The following NRXN3 variants were observed in gnomAD, a reference collection of about 807,000 sequenced individuals.
NRXN3 encodes neurexin III.
A neutral mutation model predicts 137.6 loss-of-function variants in NRXN3; 32 were observed. The ratio of observed to expected loss-of-function variants is 0.23; its 90% CI spans 0.18 to 0.31. The LOEUF (loss-of-function observed/expected upper bound fraction) is 0.31, where lower values mean the gene tolerates loss of function less well. Ranked by LOEUF, NRXN3 falls within the 10% of genes least tolerant of loss-of-function variation. NRXN3 has a pLI of 1.00. For synonymous variants in NRXN3, 798 were observed against 784.5 expected, an observed-to-expected ratio of 1.02 and a Z score of -0.29; for missense variants, 1,574 against 2,062.5, an observed-to-expected ratio of 0.76 and a Z score of 4.59.
chr14:78,272,357 C>T (rs962638185), intron 2 of NRXN3, among the ~76,000 whole-genome samples: 1 of 152,148 alleles, frequency 6.6e-6, no homozygotes, highest in Non-Finnish European at 1.5e-5. Flanking sequence ...AGAATGGACC[C>T]TGGGAAGAGG....
chr14:78,535,026 C>A (rs1343532225), intron 4 of NRXN3, among the ~76,000 whole-genome samples: 20 of 151,346 alleles, frequency 1.3e-4, no homozygotes, highest in Non-Finnish European at 1.5e-5. Context: ...AAGTAAAGAC[C>A]ATCTAATTAT....
chr14:79,651,384 G>A (rs2098475034), intron 16 of NRXN3, among the ~76,000 whole-genome samples: 1 of 152,162 alleles, frequency 6.6e-6, no homozygotes, highest in Non-Finnish European at 1.5e-5. Flanking sequence ...TGGAGATATT[G>A]CACTATGCAC....
chr14:79,062,111 G>A (rs991375035), intron 15 of NRXN3, among the ~76,000 whole-genome samples: 2 of 152,118 alleles, frequency 1.3e-5, no homozygotes, highest in South Asian at 2.1e-4. Flanking sequence ...GTATCTTCAA[G>A]GGGTCCCCAT....
At chr14:79,681,651 G>A (rs948630123) in intron 17 of NRXN3, among the ~76,000 whole-genome samples, 3 of 152,048 alleles carry the variant, frequency 2.0e-5, no homozygotes, top group Non-Finnish European at 4.4e-5. Context: ...GGCCCACCCA[G>A]AACCCCAAGG....
intron 15 of NRXN3, among the ~76,000 whole-genome samples, chr14:79,432,792 G>A (rs939376339): frequency 6.6e-6 from 1 of 152,116 alleles, no homozygotes; most frequent in African/African-American, 2.4e-5. Context: ...AATCTACTTT[G>A]TCCAGTGGGC....
intron 4 of NRXN3, among the ~76,000 whole-genome samples, chr14:78,608,593 C>T (rs2152460310): frequency 6.6e-6 from 1 of 152,242 alleles, no homozygotes; most frequent in Non-Finnish European, 1.5e-5. Flanking sequence ...GTCACTTGAT[C>T]CATTATATTT....
chr14:79,260,246 GACTC>G (rs1211363679), intron 15 of NRXN3, among the ~76,000 whole-genome samples: 1 of 151,920 alleles, frequency 6.6e-6, no homozygotes, highest in African/African-American at 2.4e-5. Context: ...TATTTTATAA[GACTC>G]ACATATCCAT....
At chr14:78,728,246 A>G (rs1342705656) in intron 8 of NRXN3, among the ~76,000 whole-genome samples, 1 of 152,156 alleles carries the variant, frequency 6.6e-6, no homozygotes, top group African/African-American at 2.4e-5. Flanking sequence ...ATTTTTTTTA[A>G]CATGTAATCG....
intron 6 of NRXN3, among the ~76,000 whole-genome samples, chr14:78,687,918 A>G (rs1366015464): frequency 6.6e-6 from 1 of 152,212 alleles, no homozygotes; most frequent in Non-Finnish European, 1.5e-5. Flanking sequence ...CAGCAACACC[A>G]ATGACTCTAT....
intron 8 of NRXN3, among the ~76,000 whole-genome samples, chr14:78,724,352 C>G (rs1483521781): frequency 6.6e-6 from 1 of 152,178 alleles, no homozygotes; most frequent in African/African-American, 2.4e-5. Context: ...ATGTAGTAAT[C>G]AAGAATAGAA....
At chr14:79,587,512 A>G (rs1265018389) in intron 16 of NRXN3, among the ~76,000 whole-genome samples, 3 of 152,226 alleles carry the variant, frequency 2.0e-5, no homozygotes, top group Non-Finnish European at 4.4e-5. Flanking sequence ...GATGGCAAAT[A>G]TACTTAAGAC....
chr14:79,137,906 A>C (rs1253858685), intron 15 of NRXN3, among the ~76,000 whole-genome samples: 1 of 152,178 alleles, frequency 6.6e-6, no homozygotes, highest in East Asian at 1.9e-4. Flanking sequence ...TTCCATTAGG[A>C]AGCTGGCTTT....
chr14:78,931,250 G>T (rs1466556063), intron 10 of NRXN3, among the ~76,000 whole-genome samples: 1 of 152,100 alleles, frequency 6.6e-6, no homozygotes, highest in East Asian at 1.9e-4. Flanking sequence ...TCAAGACCTT[G>T]GGGATATAGC....
chr14:78,589,353 G>C (rs2097095773), intron 4 of NRXN3, among the ~76,000 whole-genome samples: 2 of 152,126 alleles, frequency 1.3e-5, no homozygotes. Context: ...AACAGCTACT[G>C]TTCCTGAAGG....
At chr14:78,780,096 A>T (rs1272462957) in intron 8 of NRXN3, among the ~76,000 whole-genome samples, 1 of 152,200 alleles carries the variant, frequency 6.6e-6, no homozygotes, top group Non-Finnish European at 1.5e-5. Flanking sequence ...ACAGTGGGAC[A>T]TCGACACAAA....
intron 10 of NRXN3, among the ~76,000 whole-genome samples, chr14:78,885,785 G>A (rs2099141874): frequency 6.6e-6 from 1 of 152,046 alleles, no homozygotes; most frequent in Non-Finnish European, 1.5e-5. Context: ...TACTTCCTAT[G>A]TTAGCTAGAG....
intron 15 of NRXN3, among the ~76,000 whole-genome samples, chr14:79,448,018 G>A (rs1869699857): frequency 6.6e-6 from 1 of 152,196 alleles, no homozygotes; most frequent in Non-Finnish European, 1.5e-5. Context: ...AGTAGAATCA[G>A]ACAAGGACCT....
chr14:79,714,125 A>G, intron 19 of NRXN3, among the ~76,000 whole-genome samples: 1 of 152,216 alleles, frequency 6.6e-6, no homozygotes, highest in South Asian at 2.1e-4. Flanking sequence ...GAGAAACAAT[A>G]TATTGTAAGA....
intron 15 of NRXN3, among the ~76,000 whole-genome samples, chr14:79,015,159 G>T (rs1201789972): frequency 6.6e-6 from 1 of 152,060 alleles, no homozygotes; most frequent in Non-Finnish European, 1.5e-5. Context: ...ATATCCCTGA[G>T]AATCTCCTTC....
Sources: allele counts gnomAD v4.1 joint callset (sites outside exome capture counted in the v4.1 genomes callset), GRCh38; gene constraint gnomAD v4.1.1; transcripts MANE v1.5; gene names NCBI Gene and HGNC (gene_info 2026-07-23, HGNC 2026-07-21).